The following JARID2 variants were observed in gnomAD, a reference collection of about 807,000 sequenced individuals.
JARID2 encodes jumonji and AT-rich interaction domain containing 2.
JARID2 carries 21 observed loss-of-function variants against 125.6 expected under a neutral mutation model. The ratio of observed to expected loss-of-function variants is 0.17; its 90% confidence interval spans 0.12 to 0.24. The LOEUF is 0.24. Among genes scored for constraint, JARID2 ranks in the 10% least tolerant of loss-of-function variants. The pLI is 1.00. For missense variants in JARID2, 1,303 were observed against 1,639.6 expected (o/e 0.79, Z 3.55); for synonymous variants, 736 against 661.6 (o/e 1.11, Z -1.73).
chr6:15,385,926 T>C (rs1764767479), intron 2 of JARID2, among the ~76,000 whole-genome samples: 1 of 152,216 alleles, frequency 6.6e-6, no homozygotes, highest in South Asian at 2.1e-4. Flanking sequence ...TATGTCTCAC[T>C]ATCATAGAGA....
At chr6:15,265,008 G>A (rs989718528) in intron 1 of JARID2, among the ~76,000 whole-genome samples, 3 of 152,158 alleles carry the variant, frequency 2.0e-5, no homozygotes, top group African/African-American at 7.2e-5. Context: ...CTGCTGTGGG[G>A]CCTTTACAAA....
At chr6:15,342,147 T>A (rs1037155506) in intron 1 of JARID2, among the ~76,000 whole-genome samples, 2 of 152,234 alleles carry the variant, frequency 1.3e-5, no homozygotes, top group African/African-American at 4.8e-5. Flanking sequence ...GCATTGCACA[T>A]GCTCAGTCTC....
At chr6:15,400,592 C>A (rs766615573) in intron 2 of JARID2, among the ~76,000 whole-genome samples, 1 of 151,906 alleles carries the variant, frequency 6.6e-6, no homozygotes, top group East Asian at 1.9e-4. Flanking sequence ...TTCTATACTT[C>A]GGATTTGTCT....
chr6:15,253,855 G>C (rs1007822822), intron 1 of JARID2, among the ~76,000 whole-genome samples: 1 of 152,150 alleles, frequency 6.6e-6, no homozygotes, highest in East Asian at 1.9e-4. Flanking sequence ...TCTGAGAAAA[G>C]GGGTTTTTGA....
At chr6:15,263,880 A>G (rs564933283) in intron 1 of JARID2, among the ~76,000 whole-genome samples, 1 of 152,290 alleles carries the variant, frequency 6.6e-6, no homozygotes, top group East Asian at 1.9e-4. Flanking sequence ...GGCGTGAGCC[A>G]CCGTGCCCGG....
At chr6:15,456,878 C>CT (rs71535043) in intron 4 of JARID2, among the ~76,000 whole-genome samples, 26,287 of 95,258 alleles carry the variant, frequency 0.28, 4,364 homozygotes, top group Non-Finnish European at 0.31. Flanking sequence ...GGATGTTAAG[C>CT]TTTTTTTTTT....
At chr6:15,405,399 T>C (rs905055784) in intron 2 of JARID2, among the ~76,000 whole-genome samples, 1 of 152,236 alleles carries the variant, frequency 6.6e-6, no homozygotes, top group African/African-American at 2.4e-5. Flanking sequence ...CTAAATGGTC[T>C]TGGATCCCAG....
At chr6:15,305,416 G>T (rs1761784606) in intron 1 of JARID2, among the ~76,000 whole-genome samples, 1 of 152,216 alleles carries the variant, frequency 6.6e-6, no homozygotes, top group African/African-American at 2.4e-5. Context: ...CTGAGCAGCT[G>T]AATGCCTTTG....
intron 1 of JARID2, among the ~76,000 whole-genome samples, chr6:15,271,403 G>C (rs886667447): frequency 1.3e-5 from 2 of 152,168 alleles, no homozygotes; most frequent in East Asian, 3.9e-4. Context: ...TTGGTGCAGT[G>C]GTTCGCTTCT....
rs570945023 is a variant in JARID2, at chr6:15,275,267, C to T, written c.45+28683C>T. ...AATGAGCTGGAAAACTTTGTCCTGA[C>T]CTAAAAGGAGGTTACATAGACAGGG... is the stretch of plus-strand genomic sequence containing the variant. On this transcript the variant is annotated intron_variant, in intron 1 of 17. Transcript: ENST00000341776. 1.4e-4 allele frequency among the ~76,000 whole-genome samples: 21 copies of T among 152,196 alleles called. No individual in the cohort carries two copies. The South Asian group carries it at 3.7e-3, about 27-fold the overall frequency.
intron 4 of JARID2, among the ~76,000 whole-genome samples, chr6:15,465,575 C>T (rs1768682535): frequency 6.6e-6 from 1 of 152,100 alleles, no homozygotes; most frequent in Non-Finnish European, 1.5e-5. Context: ...AAACTCAATC[C>T]TCACCCTTTC....
At chr6:15,288,223 T>C (rs958616998) in intron 1 of JARID2, among the ~76,000 whole-genome samples, 4 of 152,048 alleles carry the variant, frequency 2.6e-5, no homozygotes, top group Non-Finnish European at 5.9e-5. Flanking sequence ...GCTGCTTAGC[T>C]TCTGGGGAAG....
chr6:15,315,815 A>G (rs1762160723), intron 1 of JARID2, among the ~76,000 whole-genome samples: 1 of 152,160 alleles, frequency 6.6e-6, no homozygotes, highest in African/African-American at 2.4e-5. Context: ...AGTGTGTGCT[A>G]ACTGGGCCCA....
chr6:15,331,461 A>C (rs750946239), intron 1 of JARID2, among the ~76,000 whole-genome samples: 1 of 152,190 alleles, frequency 6.6e-6, no homozygotes, highest in Non-Finnish European at 1.5e-5. Context: ...CACTTTAAGA[A>C]ATACCCCAGA....
At chr6:15,416,571 G>A (rs1006854820) in intron 3 of JARID2, among the ~76,000 whole-genome samples, 7 of 152,166 alleles carry the variant, frequency 4.6e-5, no homozygotes, top group Non-Finnish European at 1.0e-4. Context: ...GCCTGCAATG[G>A]CAGGCACTCG....
intron 1 of JARID2, among the ~76,000 whole-genome samples, chr6:15,274,629 T>C (rs998027341): frequency 6.6e-6 from 1 of 151,984 alleles, no homozygotes; most frequent in Non-Finnish European, 1.5e-5. Flanking sequence ...GAGTGGGAGA[T>C]TTCAGACCTC....
intron 1 of JARID2, among the ~76,000 whole-genome samples, chr6:15,298,537 G>T (rs1479087918): frequency 6.6e-6 from 1 of 151,980 alleles, no homozygotes; most frequent in Non-Finnish European, 1.5e-5. Flanking sequence ...AAAATTAGCT[G>T]GGTGTGGTGG....
chr6:15,312,865 G>A (rs184883461), intron 1 of JARID2, among the ~76,000 whole-genome samples: 1 of 152,294 alleles, frequency 6.6e-6, no homozygotes, highest in Non-Finnish European at 1.5e-5. Flanking sequence ...ACTGAGAGAT[G>A]ATCCAGCCAG....
intron 2 of JARID2, among the ~76,000 whole-genome samples, chr6:15,403,438 T>C (rs1328190291): frequency 6.6e-6 from 1 of 152,184 alleles, no homozygotes; most frequent in Non-Finnish European, 1.5e-5. Context: ...CCCATTCTAG[T>C]AGTAGCAGTG....
Sources: gnomAD v4.1 joint callset for allele counts (sites outside exome capture counted in the v4.1 genomes callset) on GRCh38, gnomAD v4.1.1 for gene constraint, MANE v1.5 for transcripts, NCBI Gene and HGNC (gene_info 2026-07-23, HGNC 2026-07-21) for gene names.